ZCCHC7: variants seen among roughly 807,000 people sequenced by gnomAD.
The protein encoded by ZCCHC7 is zinc finger CCHC-type containing 7, also known as zinc finger CCHC domain-containing protein 7.
Under a neutral mutation model 52.0 loss-of-function variants are expected in ZCCHC7, and 35 were observed. That is an observed-to-expected ratio of 0.67 (90% CI 0.51 to 0.89). The LOEUF (loss-of-function observed/expected upper bound fraction) is 0.89. Among genes scored for constraint, ZCCHC7 ranks in the 40% least tolerant of loss-of-function variants. ZCCHC7 has a pLI of 0.00. For missense variants in ZCCHC7, 574 were observed against 649.1 expected (o/e 0.88, Z 1.26); for synonymous variants, 217 against 221.5 (o/e 0.98, Z 0.18).
chr9:37,288,456 T>G (rs958832359), intron 2 of ZCCHC7, among the ~76,000 whole-genome samples: 1 of 151,742 alleles, frequency 6.6e-6, no homozygotes, highest in Non-Finnish European at 1.5e-5. Flanking sequence ...CTTGCCATAA[T>G]AGAAGGTAGA....
At chr9:37,208,188 G>C (rs182780467) in intron 2 of ZCCHC7, among the ~76,000 whole-genome samples, 2 of 152,288 alleles carry the variant, frequency 1.3e-5, no homozygotes, top group Admixed American at 1.3e-4. Context: ...GGGCTCAGGT[G>C]ATCCTCCCAC....
rs1821780469 is a variant in ZCCHC7 at position 37,357,437 on chromosome 9, C to A, written c.*169C>A. On this transcript the variant is annotated 3_prime_UTR_variant, in exon 9 of 9. Coordinates refer to ENST00000336755, the MANE Select transcript of ZCCHC7 (RefSeq NM_032226.3). Reference sequence around the variant, plus strand: ...CTGAATATCCATGGAGATCTCAATTCTCTGTGTCCAACAGGATATTAGGTA... The same window carrying A: ...CTGAATATCCATGGAGATCTCAATTATCTGTGTCCAACAGGATATTAGGTA... 2 of 545,078 alleles carry A rather than the reference C, an allele frequency of 3.7e-6. No homozygotes were observed. The highest frequency in any genetic ancestry group is 6.0e-6 in the Non-Finnish European group (2 of 331,680). 33.8% of individuals were successfully genotyped at this position (545,078 alleles called of 1,614,324 possible).
intron 2 of ZCCHC7, among the ~76,000 whole-genome samples, chr9:37,298,836 T>C (rs1018779152): frequency 1.3e-5 from 2 of 152,234 alleles, no homozygotes; most frequent in Admixed American, 6.5e-5. Context: ...CTCCCTAAAA[T>C]TGAGGTATTA....
chr9:37,310,020 T>C (rs1407421839), intron 5 of ZCCHC7, among the ~76,000 whole-genome samples: 1 of 152,192 alleles, frequency 6.6e-6, no homozygotes, highest in Non-Finnish European at 1.5e-5. Context: ...CAGATATATG[T>C]ATGCAAAGAG....
intron 2 of ZCCHC7, among the ~76,000 whole-genome samples, chr9:37,283,567 C>T (rs1393061965): frequency 6.6e-6 from 1 of 151,980 alleles, no homozygotes; most frequent in African/African-American, 2.4e-5. Flanking sequence ...TCCTGTTTTC[C>T]TATTATGACT....
At chr9:37,192,754 C>T (rs1368836604) in intron 2 of ZCCHC7, among the ~76,000 whole-genome samples, 1 of 152,178 alleles carries the variant, frequency 6.6e-6, no homozygotes, top group African/African-American at 2.4e-5. Context: ...CGATAGATGT[C>T]ATCCCCAACA....
intron 2 of ZCCHC7, among the ~76,000 whole-genome samples, chr9:37,209,164 C>T (rs1236265165): frequency 6.6e-6 from 1 of 152,030 alleles, no homozygotes; most frequent in Non-Finnish European, 1.5e-5. Flanking sequence ...CCTCAGTCTC[C>T]CGAGTAGCTG....
chr9:37,318,496 T>C lies in ZCCHC7; in HGVS notation c.952-9303T>C, dbSNP rs1407333546. On this transcript the variant is annotated intron_variant, in intron 5 of 8. Coordinates refer to ENST00000336755, the MANE Select transcript of ZCCHC7 (RefSeq NM_032226.3). ...ATATATTTTATATATATAAATGATA[T>C]TGAAATATAAATAAGTTGCTAGTAC... Among the ~76,000 whole-genome samples the C allele has an allele frequency of 4.0e-5, 6 of 151,704 alleles. No homozygotes were observed. The East Asian group carries it at 9.7e-4, about 24-fold the overall frequency.
chr9:37,347,377 A>AT (rs532481728), intron 6 of ZCCHC7, among the ~76,000 whole-genome samples: 133 of 152,256 alleles, frequency 8.7e-4, no homozygotes, highest in African/African-American at 3.1e-3. Flanking sequence ...TTTTTAAAAC[A>AT]TTTTTTGTTC....
At chr9:37,145,540 A>T (rs1043091072) in intron 2 of ZCCHC7, among the ~76,000 whole-genome samples, 1 of 152,078 alleles carries the variant, frequency 6.6e-6, no homozygotes, top group South Asian at 2.1e-4. Flanking sequence ...AAAGCAGAAC[A>T]TTAGAGTTCT....
Position 37,304,214 on chromosome 9 carries a change from T to G in ZCCHC7, c.681T>G (p.Pro227=). The part of the protein sequence containing the change: ...IEAQIANNRT[P]GRWTQRYYSA... ...CCCAGATAGCTAATAACCGAACACC[T>G]GGAAGATGGACCCAGCGGTACTATT... The change falls in exon 4 of 9, where the codon CCT becomes CCG. Residue 227 remains proline (P), a synonymous_variant. Transcript: ENST00000336755. 1 of 1,613,424 alleles carries G rather than the reference T, an allele frequency of 6.2e-7. No individual in the cohort carries two copies. The highest frequency in any genetic ancestry group is 8.5e-7 in the Non-Finnish European group (1 of 1,179,694).
intron 2 of ZCCHC7, among the ~76,000 whole-genome samples, chr9:37,132,861 G>A (rs1236054352): frequency 6.6e-6 from 1 of 152,186 alleles, no homozygotes; most frequent in African/African-American, 2.4e-5. Flanking sequence ...ATTACCAGCT[G>A]GACATGGTGG....
chr9:37,281,905 C>T lies in ZCCHC7; in HGVS notation c.611-20283C>T, dbSNP rs146735050. ...CAATATGCAAATACAGCTAAATACT[C>T]GTTAATATTCTGCATTTAAATTCTT... On this transcript the variant is annotated intron_variant, in intron 2 of 8. Coordinates refer to ENST00000336755, the MANE Select transcript of ZCCHC7 (RefSeq NM_032226.3). Among the ~76,000 whole-genome samples the T allele has an allele frequency of 1.7e-3, 255 of 152,266 alleles. 1 individual carries two copies. The highest frequency in any genetic ancestry group is 5.9e-3 in the African/African-American group (244 of 41,562).
At chr9:37,290,172 T>C (rs901470108) in intron 2 of ZCCHC7, among the ~76,000 whole-genome samples, 2 of 152,236 alleles carry the variant, frequency 1.3e-5, no homozygotes, top group Middle Eastern at 3.2e-3. Flanking sequence ...TTCATTGATA[T>C]GTATATCCCA....
chr9:37,204,329 T>A (rs1219311633), intron 2 of ZCCHC7, among the ~76,000 whole-genome samples: 1 of 152,228 alleles, frequency 6.6e-6, no homozygotes, highest in Non-Finnish European at 1.5e-5. Flanking sequence ...CATATGTCAC[T>A]TTTAGCTTTT....
chr9:37,236,881 G>C (rs1419981723), intron 2 of ZCCHC7, among the ~76,000 whole-genome samples: 1 of 152,100 alleles, frequency 6.6e-6, no homozygotes, highest in East Asian at 1.9e-4. Flanking sequence ...TTCATCTCCT[G>C]CATCTCATAA....
chr9:37,120,466 G>A (rs1475321443), upstream of ZCCHC7: 3 of 398,132 alleles, frequency 7.5e-6, no homozygotes, highest in Admixed American at 8.8e-5. Flanking sequence ...AGGTGGGCGG[G>A]GACGGAAAGG....
In ZCCHC7 at chr9:37,184,834, T is replaced by C. The variant is rs74487081; in HGVS notation, c.610+57892T>C. 7.4e-3 allele frequency among the ~76,000 whole-genome samples: 1,130 copies of C among 152,262 alleles called. 15 individuals are homozygous for C. The highest frequency in any genetic ancestry group is 0.026 in the African/African-American group (1,069 of 41,526). On this transcript the variant is annotated intron_variant, in intron 2 of 8. Coordinates refer to ENST00000336755, the MANE Select transcript of ZCCHC7 (RefSeq NM_032226.3). ...AGTATTTGGAGAGGTCTATTGTAACTTCTGAAAGGCATTGTTTTTACGTAT... is the reference window on the plus strand; with the variant it reads ...AGTATTTGGAGAGGTCTATTGTAACCTCTGAAAGGCATTGTTTTTACGTAT...
intron 5 of ZCCHC7, among the ~76,000 whole-genome samples, chr9:37,311,388 A>G (rs1342040459): frequency 6.6e-6 from 1 of 152,136 alleles, no homozygotes; most frequent in Non-Finnish European, 1.5e-5. Flanking sequence ...AATTCATAGA[A>G]CATATTTCAC....
Sources: allele counts gnomAD v4.1 joint callset (sites outside exome capture counted in the v4.1 genomes callset), GRCh38; gene constraint gnomAD v4.1.1; transcripts MANE v1.5; gene names NCBI Gene and HGNC (gene_info 2026-07-23, HGNC 2026-07-21).